Variants in TBL1XR1 observed in about 807,000 individuals in gnomAD.
TBL1XR1 encodes F-box-like/WD repeat-containing protein TBL1XR1.
Under a neutral mutation model 66.9 loss-of-function variants are expected in TBL1XR1, and 5 were observed. The observed-to-expected ratio is 0.07, with a 90% confidence interval of 0.04 to 0.16. The LOEUF (loss-of-function observed/expected upper bound fraction) is 0.16. Ranked by LOEUF, TBL1XR1 falls within the 10% of genes least tolerant of loss-of-function variation. The pLI is 1.00. For synonymous variants in TBL1XR1, 210 were observed against 206.0 expected (o/e 1.02, Z -0.17); for missense variants, 238 against 623.2 (o/e 0.38, Z 6.58).
At chr3:177,184,750 G>A (rs1387762760) in intron 1 of TBL1XR1, among the ~76,000 whole-genome samples, 4 of 151,302 alleles carry the variant, frequency 2.6e-5, no homozygotes, top group Non-Finnish European at 4.4e-5. Context: ...GCAGTAAGCC[G>A]ATCGCACCAC....
intron 3 of TBL1XR1, among the ~76,000 whole-genome samples, 197 bp from the exon 4 acceptor site, chr3:177,054,115 T>C (rs1001534679): frequency 6.6e-6 from 1 of 152,050 alleles, no homozygotes; most frequent in African/African-American, 2.4e-5. Flanking sequence ...AGCCTTTACA[T>C]ACTTTCTTTT....
At chr3:177,056,880 T>A (rs532410085) in intron 3 of TBL1XR1, among the ~76,000 whole-genome samples, 1 of 152,264 alleles carries the variant, frequency 6.6e-6, no homozygotes, top group East Asian at 1.9e-4. Flanking sequence ...TTAGTCCCCA[T>A]TACCCTTTGC....
chr3:177,105,739 TC>T (rs1302768808), intron 1 of TBL1XR1, among the ~76,000 whole-genome samples: 1 of 152,036 alleles, frequency 6.6e-6, no homozygotes. Flanking sequence ...TAGGGTAGGA[TC>T]TACATCACTT....
intron 1 of TBL1XR1, among the ~76,000 whole-genome samples, chr3:177,127,167 T>C (rs758306644): frequency 2.0e-5 from 3 of 152,224 alleles, no homozygotes; most frequent in Non-Finnish European, 4.4e-5. Context: ...TGTTATTCTA[T>C]GTATCTCAAC....
Position 177,038,189 on chromosome 3 carries a change from A to G in TBL1XR1, c.1048-17T>C. 4 of 1,612,264 alleles carry G rather than the reference A, an allele frequency of 2.5e-6. No homozygotes were observed. Among genetic ancestry groups the G allele is most frequent in the Non-Finnish European group, 3.4e-6 (4 of 1,178,820 alleles). On this transcript the variant is annotated splice_polypyrimidine_tract_variant and intron_variant, in intron 11 of 15. Transcript: ENST00000457928. ...TACTTCATTCTAAAAATAATAGTAAATATTCACATTTTCATTGTATAGACT... is the reference window on the plus strand; with the variant it reads ...TACTTCATTCTAAAAATAATAGTAAGTATTCACATTTTCATTGTATAGACT...
chr3:177,049,947 G>C, intron 7 of TBL1XR1, 50 bp downstream of exon 7: 2 of 1,592,748 alleles, frequency 1.3e-6, no homozygotes, highest in Non-Finnish European at 1.7e-6. Context: ...GAGGCTCTGA[G>C]GGTTAGGTAT....
intron 1 of TBL1XR1, chr3:177,131,340 A>G (rs2108786723): frequency 1.0e-6 from 1 of 985,356 alleles, no homozygotes. Context: ...AAATAGCAAG[A>G]TGGGAAAGAG....
At chr3:177,105,624 G>A (rs1393190324) in intron 1 of TBL1XR1, among the ~76,000 whole-genome samples, 1 of 152,188 alleles carries the variant, frequency 6.6e-6, no homozygotes, top group African/African-American at 2.4e-5. Flanking sequence ...AAATGAGAAT[G>A]GCTCTGCCAA....
chr3:177,046,844 G>C (rs760339165), intron 9 of TBL1XR1, among the ~76,000 whole-genome samples: 1 of 152,116 alleles, frequency 6.6e-6, no homozygotes, highest in Non-Finnish European at 1.5e-5. Context: ...ACCTTTAGGA[G>C]GAAGAAGGTC....
At chr3:177,131,408 T>C in intron 1 of TBL1XR1, 1 of 985,140 alleles carries the variant, frequency 1.0e-6, no homozygotes, top group Non-Finnish European at 1.2e-6. Context: ...AGCTCAATAC[T>C]GCATAAAGTG....
At chr3:177,177,375 A>G (rs1333292144) in intron 1 of TBL1XR1, among the ~76,000 whole-genome samples, 1 of 152,014 alleles carries the variant, frequency 6.6e-6, no homozygotes. Flanking sequence ...ACTCGAACCC[A>G]GGAGGCAGAG....
intron 1 of TBL1XR1, among the ~76,000 whole-genome samples, chr3:177,187,390 C>CAA (rs57592940): frequency 3.0e-3 from 205 of 68,626 alleles, no homozygotes; most frequent in East Asian, 0.016. Context: ...GACTCTATCT[C>CAA]AAAAAAAAAA....
Position 177,066,358 on chromosome 3 carries a change from A to T in TBL1XR1, c.-45-1336T>A, listed in dbSNP as rs80106853. Among the ~76,000 whole-genome samples the T allele has an allele frequency of 5.6e-4, 85 of 152,276 alleles. 1 individual carries two copies. The East Asian group carries it at 0.015, about 28-fold the overall frequency. On this transcript the variant is annotated intron_variant, in intron 2 of 15. Transcript: ENST00000457928. ...TAACTAAAGTTAGCAGTCTAGGAAC[A>T]CATTTAGAAGGAGTGTCCTTGGTAT...
chr3:177,182,163 G>A (rs1164123141), intron 1 of TBL1XR1, among the ~76,000 whole-genome samples: 2 of 145,974 alleles, frequency 1.4e-5, no homozygotes, highest in African/African-American at 4.9e-5. Context: ...ACAGCAGGTG[G>A]ATCACTTGAG....
chr3:177,143,895 C>T (rs989760392), intron 1 of TBL1XR1, among the ~76,000 whole-genome samples: 13 of 152,156 alleles, frequency 8.5e-5, no homozygotes, highest in African/African-American at 2.7e-4. Context: ...GAAGGTCATG[C>T]CACAGATATA....
Position 177,019,426 on chromosome 3 carries a change from A to T in TBL1XR1, c.*6072T>A, listed in dbSNP as rs1712086889. 3 of 152,330 alleles carry T rather than the reference A, an allele frequency of 2.0e-5. No individual in the cohort carries two copies. The highest frequency in any genetic ancestry group is 2.1e-4 in the South Asian group (1 of 4,828). The allele number at this position is 152,330 out of a possible 1,614,324, so 9.4% of individuals were successfully genotyped here. A position where few individuals can be genotyped will look rare whatever the true frequency, so the allele number is the denominator to read the frequency against. ...GAAATTACAAGGAACTCCTAAAAAA[A>T]TTTAATACAAAAATATTACAAGTTA... On this transcript the variant is annotated 3_prime_UTR_variant, in exon 16 of 16. Coordinates refer to ENST00000457928, the MANE Select transcript of TBL1XR1 (RefSeq NM_024665.7).
At chr3:177,148,246 AT>A (rs1341711400) in intron 1 of TBL1XR1, among the ~76,000 whole-genome samples, 1 of 152,246 alleles carries the variant, frequency 6.6e-6, no homozygotes, top group African/African-American at 2.4e-5. Context: ...GGAGGTATAC[AT>A]GCTGATAGGG....
intron 1 of TBL1XR1, among the ~76,000 whole-genome samples, chr3:177,144,160 G>A (rs1358605831): frequency 5.3e-5 from 8 of 152,072 alleles, no homozygotes; most frequent in South Asian, 2.1e-4. Flanking sequence ...CACGAAAATC[G>A]CTTGAACCCC....
chr3:177,185,978 T>C (rs1735358764), intron 1 of TBL1XR1, among the ~76,000 whole-genome samples: 1 of 152,048 alleles, frequency 6.6e-6, no homozygotes, highest in Non-Finnish European at 1.5e-5. Flanking sequence ...ACCACTGCAC[T>C]CCAGCCCAGG....
Sources: gnomAD v4.1 joint callset for allele counts (sites outside exome capture counted in the v4.1 genomes callset) on GRCh38, gnomAD v4.1.1 for gene constraint, MANE v1.5 for transcripts, NCBI Gene and HGNC (gene_info 2026-07-23, HGNC 2026-07-21) for gene names.